INPP4B: variants seen among roughly 807,000 people sequenced by gnomAD.
INPP4B encodes inositol polyphosphate 4-phosphatase type II.
INPP4B carries 55 observed loss-of-function variants against 122.5 expected under a neutral mutation model. The observed-to-expected ratio is 0.45, with a 90% CI of 0.36 to 0.56. INPP4B has a LOEUF of 0.56. Among genes scored for constraint, INPP4B ranks in the 20% least tolerant of loss-of-function variants. The pLI, the probability that INPP4B is intolerant of heterozygous loss-of-function variation, is 0.00. For missense variants in INPP4B, 1,000 were observed against 1,097.7 expected (o/e 0.91, Z 1.26); for synonymous variants, 403 against 388.7 (o/e 1.04, Z -0.43).
intron 2 of INPP4B, among the ~76,000 whole-genome samples, chr4:142,651,837 A>G (rs1753029987): frequency 6.6e-6 from 1 of 152,226 alleles, no homozygotes; most frequent in Non-Finnish European, 1.5e-5. Context: ...ATTCTAATCA[A>G]CAGAAAAAGA....
chr4:142,733,247 G>A (rs1205265330), intron 1 of INPP4B, among the ~76,000 whole-genome samples: 2 of 152,086 alleles, frequency 1.3e-5, no homozygotes, highest in African/African-American at 2.4e-5. Context: ...GGGGCAGATC[G>A]TGATTTCTTA....
intron 1 of INPP4B, among the ~76,000 whole-genome samples, chr4:142,737,799 G>T (rs1580806321): frequency 6.6e-6 from 1 of 152,056 alleles, no homozygotes; most frequent in Admixed American, 6.6e-5. Flanking sequence ...GTGAGCGAAG[G>T]ATATGAACAG....
intron 21 of INPP4B, among the ~76,000 whole-genome samples, chr4:142,121,374 C>T (rs1478239917): frequency 6.6e-6 from 1 of 152,110 alleles, no homozygotes; most frequent in Admixed American, 6.6e-5. Flanking sequence ...TTGCATCTCT[C>T]TCTAGCATGA....
At position 142,641,752 on chromosome 4, in the gene INPP4B, G is replaced by A. The variant is rs546896557; in HGVS notation, c.-191+84087C>T. On this transcript the variant is annotated intron_variant, in intron 2 of 25. Transcript: ENST00000262992. The stretch of plus-strand genomic sequence containing the variant: ...TACGTGTGCATGTGTCTTTATAGCA[G>A]CATGATTTATAGTCCTTTGGGTATA... Among the ~76,000 whole-genome samples, 60 of 152,278 alleles carry A rather than the reference G, an allele frequency of 3.9e-4. No individual in the cohort carries two copies. In the South Asian group the frequency reaches 0.012, roughly 31 times the overall value.
At chr4:142,112,846 T>G (rs1273980097) in intron 21 of INPP4B, among the ~76,000 whole-genome samples, 164 bp from the exon 22 acceptor site, 1 of 152,178 alleles carries the variant, frequency 6.6e-6, no homozygotes, top group Non-Finnish European at 1.5e-5. Context: ...ATTAAATTAC[T>G]TGACATAAAA....
At chr4:142,652,648 C>A (rs1231591284) in intron 2 of INPP4B, among the ~76,000 whole-genome samples, 1 of 152,180 alleles carries the variant, frequency 6.6e-6, no homozygotes, top group Admixed American at 6.5e-5. Context: ...AGGAATCCAA[C>A]TTACAAGGGA....
intron 23 of INPP4B, among the ~76,000 whole-genome samples, chr4:142,090,462 G>A (rs1329498053): frequency 1.3e-5 from 2 of 151,564 alleles, no homozygotes; most frequent in African/African-American, 4.8e-5. Flanking sequence ...GTTCAGGAAA[G>A]CAGTATCATT....
intron 9 of INPP4B, among the ~76,000 whole-genome samples, chr4:142,291,798 AT>A (rs1220334660): frequency 1.3e-5 from 2 of 152,138 alleles, no homozygotes; most frequent in Non-Finnish European, 2.9e-5. Context: ...TAAAAATTAT[AT>A]TTTCATTTTT....
At chr4:142,375,464 G>A (rs1791492800) in intron 7 of INPP4B, among the ~76,000 whole-genome samples, 1 of 151,634 alleles carries the variant, frequency 6.6e-6, no homozygotes, top group Admixed American at 6.6e-5. Flanking sequence ...CAAACCCTGT[G>A]GCTGTTTGCT....
intron 7 of INPP4B, among the ~76,000 whole-genome samples, chr4:142,370,380 G>C (rs1789410495): frequency 6.6e-6 from 1 of 151,992 alleles, no homozygotes; most frequent in Admixed American, 6.6e-5. Context: ...AAATCATTTT[G>C]ATAAAAGTAC....
intron 25 of INPP4B, among the ~76,000 whole-genome samples, chr4:142,031,265 A>G (rs1413878259): frequency 1.3e-5 from 2 of 152,180 alleles, no homozygotes; most frequent in Non-Finnish European, 1.5e-5. Flanking sequence ...CTATGTTTTC[A>G]GGCAAAAAAC....
At chr4:142,127,070 TG>T in intron 18 of INPP4B, among the ~76,000 whole-genome samples, 1 of 152,328 alleles carries the variant, frequency 6.6e-6, no homozygotes, top group South Asian at 2.1e-4. Context: ...ATACATCTTC[TG>T]TGCAGTAGGT....
intron 2 of INPP4B, among the ~76,000 whole-genome samples, chr4:142,573,155 A>G (rs560218994): frequency 1.3e-5 from 2 of 152,064 alleles, no homozygotes; most frequent in African/African-American, 4.8e-5. Context: ...AGCAAGAGCT[A>G]AGGGGGAAAG....
intron 11 of INPP4B, among the ~76,000 whole-genome samples, chr4:142,257,331 C>A (rs1736794838): frequency 6.6e-6 from 1 of 152,122 alleles, no homozygotes; most frequent in Non-Finnish European, 1.5e-5. Context: ...TCCTATTCAA[C>A]ATAGTGTTGG....
chr4:142,199,016 C>T (rs929470521), intron 14 of INPP4B, among the ~76,000 whole-genome samples: 6 of 151,914 alleles, frequency 3.9e-5, no homozygotes, highest in Non-Finnish European at 8.8e-5. Flanking sequence ...TTCCTCTTTC[C>T]TATTATAGTC....
rs201607184 is a variant in INPP4B at position 142,470,181 on chromosome 4, T to TA, written c.-190-7456dup. ...GGGCTACATAAAAACTTCCCTAGTT[T>TA]AAAAAAAAATAGGAGCAGATATAAA... On this transcript the variant is annotated intron_variant, in intron 2 of 25. Coordinates refer to ENST00000262992, the MANE Select transcript of INPP4B (RefSeq NM_001101669.3). Among the ~76,000 whole-genome samples, 1,085 of 150,628 alleles carry TA rather than the reference T, an allele frequency of 7.2e-3. 7 individuals carry two copies. Among genetic ancestry groups the TA allele is most frequent in the South Asian group, 0.013 (60 of 4,770 alleles).
intron 5 of INPP4B, among the ~76,000 whole-genome samples, chr4:142,419,430 T>G (rs1005164892): frequency 6.6e-6 from 1 of 152,126 alleles, no homozygotes; most frequent in Non-Finnish European, 1.5e-5. Flanking sequence ...GGAATACCCG[T>G]ATGCTCAAAC....
intron 17 of INPP4B, among the ~76,000 whole-genome samples, chr4:142,148,292 G>A (rs1332837806): frequency 6.6e-6 from 1 of 152,086 alleles, no homozygotes; most frequent in Non-Finnish European, 1.5e-5. Context: ...TTGGCTCACT[G>A]CAGTCTTGAT....
chr4:142,260,364 C>T, intron 11 of INPP4B, 128 bp downstream of exon 11: 1 of 682,002 alleles, frequency 1.5e-6, no homozygotes, highest in Non-Finnish European at 2.6e-6. Flanking sequence ...CTGCTGGCCC[C>T]TTATGATTTC....
Sources: gnomAD v4.1 joint callset for allele counts (sites outside exome capture counted in the v4.1 genomes callset) on GRCh38, gnomAD v4.1.1 for gene constraint, MANE v1.5 for transcripts, NCBI Gene and HGNC (gene_info 2026-07-23, HGNC 2026-07-21) for gene names.